The following SLX4IP variants were observed in gnomAD, a reference collection of about 807,000 sequenced individuals.
SLX4IP encodes the protein protein SLX4IP.
Under a neutral mutation model 32.9 loss-of-function variants are expected in SLX4IP, and 34 were observed. The ratio of observed to expected loss-of-function variants is 1.03; its 90% CI spans 0.79 to 1.38. The LOEUF is 1.38. Among genes scored for constraint, SLX4IP ranks in the 40% most tolerant of loss-of-function variants. SLX4IP has a pLI of 0.00. For missense variants in SLX4IP, 444 were observed against 479.0 expected, an observed-to-expected ratio of 0.93 and a Z score of 0.68; for synonymous variants, 172 against 171.7, an observed-to-expected ratio of 1.00 and a Z score of -0.01.
At chr20:10,495,178 T>TA (rs1225765445) in intron 2 of SLX4IP, among the ~76,000 whole-genome samples, 4 of 152,190 alleles carry the variant, frequency 2.6e-5, no homozygotes, top group Non-Finnish European at 5.9e-5. Flanking sequence ...AACTGCATGT[T>TA]ACAGGTTTTG....
In SLX4IP at chr20:10,509,261, A is replaced by G. The variant is rs574234789; in HGVS notation, c.28-46970A>G. Among the ~76,000 whole-genome samples, 31 of 152,316 alleles carry G rather than the reference A, an allele frequency of 2.0e-4. No individual in the cohort carries two copies. The South Asian group carries it at 6.0e-3, about 30-fold the overall frequency. ...GTCTTTCAATTATTTCTGTTATTCAATTATAAAGATAGTGGGGAACATGGA... is the reference window on the plus strand; with the variant it reads ...GTCTTTCAATTATTTCTGTTATTCAGTTATAAAGATAGTGGGGAACATGGA... On this transcript the variant is annotated intron_variant, in intron 2 of 7. Coordinates refer to ENST00000334534, the MANE Select transcript of SLX4IP (RefSeq NM_001009608.3).
At chr20:10,538,539 T>C (rs1400735051) in intron 2 of SLX4IP, among the ~76,000 whole-genome samples, 7 of 151,930 alleles carry the variant, frequency 4.6e-5, no homozygotes, top group African/African-American at 1.7e-4. Context: ...CTTTTTTTTT[T>C]TTTTGAGACA....
At chr20:10,520,330 G>A (rs1415162325) in intron 2 of SLX4IP, among the ~76,000 whole-genome samples, 5 of 152,098 alleles carry the variant, frequency 3.3e-5, no homozygotes, top group African/African-American at 9.7e-5. Flanking sequence ...GATTTCAGGC[G>A]TGAGCCACTG....
chr20:10,529,276 T>A (rs538016309), intron 2 of SLX4IP, among the ~76,000 whole-genome samples: 1 of 152,114 alleles, frequency 6.6e-6, no homozygotes, highest in Non-Finnish European at 1.5e-5. Context: ...TAAAACAAGA[T>A]AAAATAAATG....
intron 4 of SLX4IP, among the ~76,000 whole-genome samples, chr20:10,578,851 A>C (rs555550059): frequency 2.0e-4 from 31 of 152,184 alleles, no homozygotes; most frequent in Non-Finnish European, 4.1e-4. Flanking sequence ...TCAAGTACTT[A>C]CTGGCCGTTT....
chr20:10,590,527 A>AT (rs55842143), intron 4 of SLX4IP, among the ~76,000 whole-genome samples: 31,882 of 151,478 alleles, frequency 0.21, 3,514 homozygotes, highest in African/African-American at 0.23. Flanking sequence ...CACCCGGCTA[A>AT]TTTTTTGTAT....
At chr20:10,468,072 A>G (rs1382467068) in intron 2 of SLX4IP, among the ~76,000 whole-genome samples, 2 of 152,164 alleles carry the variant, frequency 1.3e-5, no homozygotes, top group African/African-American at 2.4e-5. Context: ...ATTGATCCCT[A>G]AAACTTCAAA....
At position 10,467,266 on chromosome 20, in the gene SLX4IP, A is replaced by G. The variant is rs188488026; in HGVS notation, c.27+9035A>G. Among the ~76,000 whole-genome samples the G allele has an allele frequency of 4.7e-3, 716 of 152,356 alleles. 15 individuals carry two copies. In the South Asian group the frequency reaches 0.068, roughly 14 times the overall value. ...TGAAAAGATTTATGCAATTATTTTC[A>G]TATCAATTGAGTTCTAGGTACTGAT... On this transcript the variant is annotated intron_variant, in intron 2 of 7. Coordinates refer to ENST00000334534, the MANE Select transcript of SLX4IP (RefSeq NM_001009608.3).
chr20:10,556,462 C>T lies in SLX4IP; in HGVS notation c.117+142C>T, dbSNP rs375913289. 16 of 825,268 alleles carry T rather than the reference C, an allele frequency of 1.9e-5. 1 individual carries two copies. The African/African-American group carries it at 2.3e-4, about 12-fold the overall frequency. 51.1% of individuals were successfully genotyped at this position (825,268 alleles called of 1,614,324 possible). On this transcript the variant is annotated intron_variant, in intron 3 of 7. Coordinates refer to ENST00000334534, the MANE Select transcript of SLX4IP (RefSeq NM_001009608.3). ...TGAAAAACAATTGTATTCCCAATGA[C>T]AGACACATATGCACCCACTTTTTTT...
intron 2 of SLX4IP, among the ~76,000 whole-genome samples, chr20:10,504,368 C>CCCTTGTGGGAG (rs1485648423): frequency 6.6e-6 from 1 of 152,148 alleles, no homozygotes; most frequent in Non-Finnish European, 1.5e-5. Context: ...TAGCTCTGGT[C>CCCTTGTGGGAG]CCTTGTGGGA....
intron 1 of SLX4IP, 132 bp downstream of exon 1, chr20:10,435,585 C>T (rs1025108383): frequency 2.0e-5 from 3 of 152,196 alleles, no homozygotes; most frequent in African/African-American, 7.2e-5. Context: ...GTACTTCCAC[C>T]TTTCTTCATT....
intron 5 of SLX4IP, 103 bp downstream of exon 5, chr20:10,598,855 T>C: frequency 8.7e-7 from 1 of 1,144,738 alleles, no homozygotes; most frequent in Non-Finnish European, 1.3e-6. Flanking sequence ...ACTTGCTTCA[T>C]TGCCTTCATG....
At chr20:10,541,272 A>G (rs2066102738) in intron 2 of SLX4IP, among the ~76,000 whole-genome samples, 2 of 152,214 alleles carry the variant, frequency 1.3e-5, no homozygotes, top group African/African-American at 4.8e-5. Context: ...GTTAGTCCCT[A>G]TCATTCCCTC....
intron 2 of SLX4IP, among the ~76,000 whole-genome samples, chr20:10,494,301 T>C (rs1036910176): frequency 2.0e-5 from 3 of 151,558 alleles, no homozygotes; most frequent in Non-Finnish European, 4.4e-5. Context: ...GGGCCTGTGG[T>C]TCTAGGGCGG....
intron 2 of SLX4IP, among the ~76,000 whole-genome samples, chr20:10,503,675 G>A (rs1007654599): frequency 1.3e-5 from 2 of 152,162 alleles, no homozygotes; most frequent in Admixed American, 6.5e-5. Flanking sequence ...GATATTTATT[G>A]TCTCATGGGT....
intron 2 of SLX4IP, among the ~76,000 whole-genome samples, chr20:10,475,247 C>G (rs911747029): frequency 2.0e-5 from 3 of 152,198 alleles, no homozygotes. Context: ...GAAAAACATC[C>G]TTGTTCAGCT....
At chr20:10,570,811 G>A (rs1012788312) in intron 4 of SLX4IP, among the ~76,000 whole-genome samples, 1 of 151,968 alleles carries the variant, frequency 6.6e-6, no homozygotes, top group African/African-American at 2.4e-5. Context: ...TTACAGGCGT[G>A]AGCCACCACG....
intron 2 of SLX4IP, among the ~76,000 whole-genome samples, chr20:10,468,398 T>C (rs933037334): frequency 1.3e-5 from 2 of 152,220 alleles, no homozygotes; most frequent in Non-Finnish European, 2.9e-5. Flanking sequence ...GTTACTTCCT[T>C]GCTTAGGTGA....
rs146846085 is a variant in SLX4IP, at chr20:10,516,933, T to G, written c.28-39298T>G. On this transcript the variant is annotated intron_variant, in intron 2 of 7. Transcript: ENST00000334534. The stretch of plus-strand genomic sequence containing the variant: ...GCTTCTCAGAGAGGTCTCCTTTTCT[T>G]TCCCTTCAATCTATACAATATTTAG... Among the ~76,000 whole-genome samples, 460 of 152,372 alleles carry G rather than the reference T, an allele frequency of 3.0e-3. 1 individual carries two copies. Among genetic ancestry groups the G allele is most frequent in the Middle Eastern group, 0.014 (4 of 294 alleles).
Sources: gnomAD v4.1 joint callset for allele counts (sites outside exome capture counted in the v4.1 genomes callset) on GRCh38, gnomAD v4.1.1 for gene constraint, MANE v1.5 for transcripts, NCBI Gene and HGNC (gene_info 2026-07-23, HGNC 2026-07-21) for gene names.